RAP1B: variants seen among roughly 807,000 people sequenced by gnomAD.
The protein encoded by RAP1B is ras-related protein Rap-1b.
Under a neutral mutation model 27.5 loss-of-function variants are expected in RAP1B, and 1 was observed. The ratio of observed to expected loss-of-function variants is 0.04; its 90% CI spans 0.01 to 0.17. The LOEUF is 0.17. RAP1B is among the 10% of genes least tolerant of loss of function. The pLI, the probability that RAP1B is intolerant of heterozygous loss-of-function variation, is 1.00. For missense variants in RAP1B, 84 were observed against 214.8 expected, an observed-to-expected ratio of 0.39 and a Z score of 3.81; for synonymous variants, 75 against 73.1, an observed-to-expected ratio of 1.03 and a Z score of -0.13.
Position 68,660,991 on chromosome 12 carries a change from G to A in RAP1B, c.*1742G>A, listed in dbSNP as rs1225193147. 6.6e-6 allele frequency: 1 copy of A among 152,094 alleles called. No individual in the cohort carries two copies. Among genetic ancestry groups the A allele is most frequent in the African/African-American group, 2.4e-5 (1 of 41,426 alleles). The allele number at this position is 152,094 out of a possible 1,614,324, so 9.4% of individuals were successfully genotyped here. On this transcript the variant is annotated 3_prime_UTR_variant, in exon 8 of 8. Coordinates refer to ENST00000250559, the MANE Select transcript of RAP1B (RefSeq NM_001010942.3). ...AATATGCTATAATTGAATTCTGTAA[G>A]AACTGAATTCTTATAGAATTATTTT...
rs1874895519 is a variant in RAP1B, at chr12:68,667,260, T to C, written c.*8011T>C. 2 of 152,190 alleles carry C rather than the reference T, an allele frequency of 1.3e-5. No homozygotes were observed. Among genetic ancestry groups the C allele is most frequent in the African/African-American group, 4.8e-5 (2 of 41,454 alleles). The allele number at this position is 152,190 out of a possible 1,614,324, so 9.4% of individuals were successfully genotyped here. A position where few individuals can be genotyped will look rare whatever the true frequency, so the allele number is the denominator to read the frequency against. ...TGTTTCTGAGACCAAATGGTGGTGT[T>C]TATAAGATTTTGCTTCTGCACTGAA... On this transcript the variant is annotated 3_prime_UTR_variant, in exon 8 of 8. Transcript: ENST00000250559.
At chr12:68,626,743 G>A in intron 1 of RAP1B, 1 of 847,788 alleles carries the variant, frequency 1.2e-6, no homozygotes, top group Non-Finnish European at 1.8e-6. Flanking sequence ...TCTTAAGGAA[G>A]AGGGAAGGTA....
Position 68,652,011 on chromosome 12 carries a change from C to G in RAP1B, c.143C>G (p.Ala48Gly), listed in dbSNP as rs1414541925. 1 of 1,612,598 alleles carries G rather than the reference C, an allele frequency of 6.2e-7. No homozygotes were observed. ...TTCTACCAGCAAGTTGAAGTAGATG[C>G]ACAACAGTGTATGCTTGAAATCTTG... ...DSYRKQVEVD[A>G]QQCMLEILDT... Residue 48 changes from alanine to glycine, a missense_variant, in exon 4 of 8, where the codon GCA (alanine) becomes GGA (glycine). By Grantham distance (60) the Ala-to-Gly change is moderately conservative. Transcript: ENST00000250559.
chr12:68,642,866 G>A (rs1055604917), intron 1 of RAP1B: 1 of 996,382 alleles, frequency 1.0e-6, no homozygotes, highest in Non-Finnish European at 1.6e-6. Flanking sequence ...AGGTAAAGCA[G>A]CCAACCTGGA....
chr12:68,621,253 ATAAT>A (rs34280831), intron 1 of RAP1B, among the ~76,000 whole-genome samples: 12,513 of 152,218 alleles, frequency 0.082, 582 homozygotes, highest in East Asian at 0.23. Flanking sequence ...CCTATATTAA[ATAAT>A]TAACTGGTCT....
At chr12:68,638,616 T>C (rs1304913745) in intron 1 of RAP1B, among the ~76,000 whole-genome samples, 1 of 152,238 alleles carries the variant, frequency 6.6e-6, no homozygotes, top group South Asian at 2.1e-4. Context: ...ATATTAAATT[T>C]TATTACCAGT....
At chr12:68,655,535 CTTTT>C (rs35350174) in intron 5 of RAP1B, among the ~76,000 whole-genome samples, 1 of 125,596 alleles carries the variant, frequency 8.0e-6, no homozygotes, top group African/African-American at 3.0e-5. Flanking sequence ...TTTTGATTGG[CTTTT>C]TTTTTTTTTT....
intron 1 of RAP1B, among the ~76,000 whole-genome samples, chr12:68,646,388 C>T (rs956484971): frequency 2.6e-5 from 4 of 151,956 alleles, no homozygotes; most frequent in Non-Finnish European, 5.9e-5. Context: ...CTCCACTTCT[C>T]GGGTTCACTC....
In RAP1B at chr12:68,668,599, AAT is replaced by A. The variant is rs1874945725; in HGVS notation, c.*9352_*9353del. 1 of 152,204 alleles carries A rather than the reference AAT, an allele frequency of 6.6e-6. No individual in the cohort carries two copies. Among genetic ancestry groups the A allele is most frequent in the Non-Finnish European group, 1.5e-5 (1 of 68,032 alleles). The allele number at this position is 152,204 out of a possible 1,614,324, so 9.4% of individuals were successfully genotyped here. A position where few individuals can be genotyped will look rare whatever the true frequency, so the allele number is the denominator to read the frequency against. ...GACATTAACTTCTTTTCCAAAGAGAAATAACGTTAACAATCTGAAATCATCCC... is the reference window on the plus strand; with the variant it reads ...GACATTAACTTCTTTTCCAAAGAGAAAACGTTAACAATCTGAAATCATCCC... On this transcript the variant is annotated 3_prime_UTR_variant, in exon 8 of 8. Transcript: ENST00000250559.
intron 1 of RAP1B, among the ~76,000 whole-genome samples, chr12:68,632,510 A>G (rs1394358271): frequency 1.3e-5 from 2 of 152,126 alleles, no homozygotes; most frequent in African/African-American, 4.8e-5. Context: ...TTATACTCAT[A>G]TGTAGAAATG....
At chr12:68,642,647 T>C in intron 1 of RAP1B, 1 of 1,098,082 alleles carries the variant, frequency 9.1e-7, no homozygotes. Context: ...CTTCTCCATC[T>C]GTTTCTCATA....
At chr12:68,641,991 G>A (rs1477943591) in intron 1 of RAP1B, among the ~76,000 whole-genome samples, 1 of 152,188 alleles carries the variant, frequency 6.6e-6, no homozygotes, top group African/African-American at 2.4e-5. Context: ...GGCTGATGAA[G>A]TATCGTATAG....
chr12:68,626,210 TC>T (rs1486517653), intron 1 of RAP1B, among the ~76,000 whole-genome samples: 2 of 152,198 alleles, frequency 1.3e-5, no homozygotes, highest in Non-Finnish European at 2.9e-5. Context: ...ATGGCATTCT[TC>T]CATTCATGAA....
chr12:68,632,103 GAA>G (rs1651727901), intron 1 of RAP1B, among the ~76,000 whole-genome samples: 1 of 148,098 alleles, frequency 6.8e-6, no homozygotes, highest in Admixed American at 6.8e-5. Flanking sequence ...GAACATGAAG[GAA>G]ACAGTTTTTT....
At chr12:68,636,873 C>T (rs1321545613) in intron 1 of RAP1B, among the ~76,000 whole-genome samples, 2 of 151,748 alleles carry the variant, frequency 1.3e-5, no homozygotes, top group African/African-American at 2.4e-5. Flanking sequence ...AGGCTCATCT[C>T]GAACTCCTGA....
chr12:68,611,533 A>G (rs1300619571), intron 1 of RAP1B, among the ~76,000 whole-genome samples: 1 of 151,968 alleles, frequency 6.6e-6, no homozygotes, highest in Non-Finnish European at 1.5e-5. Context: ...GCGAAGACCT[A>G]GCTTCTCCCA....
intron 1 of RAP1B, among the ~76,000 whole-genome samples, chr12:68,613,628 C>T (rs371006709): frequency 1.3e-5 from 2 of 152,188 alleles, no homozygotes; most frequent in African/African-American, 4.8e-5. Flanking sequence ...AGACATTCAA[C>T]ACCAGTTAAA....
At chr12:68,635,252 T>C (rs1342006732) in intron 1 of RAP1B, among the ~76,000 whole-genome samples, 3 of 152,210 alleles carry the variant, frequency 2.0e-5, no homozygotes, top group Admixed American at 2.0e-4. Flanking sequence ...TTTTAAAGTC[T>C]GTCATTGTGT....
At chr12:68,629,095 A>G (rs1357372014) in intron 1 of RAP1B, among the ~76,000 whole-genome samples, 1 of 152,038 alleles carries the variant, frequency 6.6e-6, no homozygotes, top group Non-Finnish European at 1.5e-5. Flanking sequence ...TGCAGTCACA[A>G]CTCACCTCAG....
Sources: gnomAD v4.1 joint callset for allele counts (sites outside exome capture counted in the v4.1 genomes callset) on GRCh38, gnomAD v4.1.1 for gene constraint, MANE v1.5 for transcripts, NCBI Gene and HGNC (gene_info 2026-07-23, HGNC 2026-07-21) for gene names.